The following INTS1 variants were observed in gnomAD, a reference collection of about 807,000 sequenced individuals.
The protein encoded by INTS1 is integrator complex subunit 1.
A neutral mutation model predicts 241.6 loss-of-function variants in INTS1; 137 were observed. The observed-to-expected ratio is 0.57, with a 90% CI of 0.49 to 0.65. INTS1 has a LOEUF of 0.65. Ranked by LOEUF, INTS1 falls within the 30% of genes least tolerant of loss-of-function variation. The pLI, the probability that INTS1 is intolerant of heterozygous loss-of-function variation, is 0.00. For synonymous variants in INTS1, 1,692 were observed against 1,337.8 expected, an observed-to-expected ratio of 1.26 and a Z score of -5.78; for missense variants, 3,073 against 3,032.2, an observed-to-expected ratio of 1.01 and a Z score of -0.32.
chr7:1,474,309 G>C lies in INTS1; in HGVS notation c.5688C>G (p.Phe1896Leu). ...GGTGGTTCTGCTGCCGGAACTCCTG[G>C]AAGTTGAGGTGGGTGCGGCCGTGCA... ...ALLHGRTHLN[F>L]QEFRQQNHLS... is the part of the protein sequence containing the mutation. Residue 1896 changes from phenylalanine (F) to leucine (L), a missense_variant, in exon 41 of 48, where the codon TTC becomes TTG. Transcript: ENST00000404767. 1.2e-6 allele frequency: 2 copies of C among 1,608,464 alleles called. No homozygotes were observed. Among genetic ancestry groups the C allele is most frequent in the Non-Finnish European group, 1.7e-6 (2 of 1,178,850 alleles).
rs933274620 is a variant in INTS1 at position 1,484,059 on chromosome 7, A to T, written c.3373T>A (p.Ser1125Thr). 6.2e-7 allele frequency: 1 copy of T among 1,612,466 alleles called. No individual in the cohort carries two copies. The highest frequency in any genetic ancestry group is 1.3e-5 in the African/African-American group (1 of 75,024). The change falls in exon 25 of 48, where the codon TCA becomes ACA. Residue 1125 changes from serine (S) to threonine (T), a missense_variant. Coordinates refer to ENST00000404767, the MANE Select transcript of INTS1 (RefSeq NM_001080453.3). Reference protein sequence around the residue: ...AVLSALLSIFSRYVRRMRQSK... With the variant: ...AVLSALLSIFTRYVRRMRQSK... ...TGCCGCATGCGCCTCACGTAGCGTGAGAAGATGGACAACAGAGCGCTCAGC... is the reference window on the plus strand; with the variant it reads ...TGCCGCATGCGCCTCACGTAGCGTGTGAAGATGGACAACAGAGCGCTCAGC...
At chr7:1,494,134 A>AC (rs1264873784) in intron 14 of INTS1, among the ~76,000 whole-genome samples, 1 of 151,926 alleles carries the variant, frequency 6.6e-6, no homozygotes, top group Non-Finnish European at 1.5e-5. Context: ...GGCTACCCCC[A>AC]CCCCAAGGCC....
Position 1,499,523 on chromosome 7 carries a change from C to T in INTS1, c.794G>A (p.Ser265Asn), listed in dbSNP as rs755427286. ...TAFNTRMPPR[S>N]VLLQGEAGRV... The stretch of plus-strand genomic sequence containing the variant: ...GCCCGCCTCCCCCTGCAGCAGCACG[C>T]TCCTGGGGGGCATTCTGGTGTTGAA... The change falls in exon 6 of 48, where the codon AGC becomes AAC. Residue 265 changes from serine (S) to asparagine (N), a missense_variant. Ser to Asn is a conservative substitution (Grantham distance 46, BLOSUM62 1). Coordinates refer to ENST00000404767, the MANE Select transcript of INTS1 (RefSeq NM_001080453.3). 6.2e-7 allele frequency: 1 copy of T among 1,612,636 alleles called. No individual in the cohort carries two copies. The highest frequency in any genetic ancestry group is 1.3e-5 in the African/African-American group (1 of 75,042).
rs1491488395 is a variant in INTS1, at chr7:1,499,461, CGT to C, written c.844+10_844+11del. 6 of 1,562,234 alleles carry C rather than the reference CGT, an allele frequency of 3.8e-6. No individual in the cohort carries two copies. Among genetic ancestry groups the C allele is most frequent in the African/African-American group, 1.4e-5 (1 of 73,510 alleles). On this transcript the variant is annotated intron_variant, in intron 6 of 47. Transcript: ENST00000404767. Reference sequence around the variant, plus strand: ...TGGACACCCGCCCTCTCTGGCTGGCCGTGTGTCTCACCTGCACCCAGGTCGCC... The same window carrying C: ...TGGACACCCGCCCTCTCTGGCTGGCCGTGTCTCACCTGCACCCAGGTCGCC...
rs57683626 is a variant in INTS1, at chr7:1,502,658, C to A, written c.349+243G>T. ...GCGTCCAACAGACACATGAGACAAA[C>A]AACTCAATAAGGGAGTGACCCGGTT... is the stretch of plus-strand genomic sequence containing the variant. On this transcript the variant is annotated intron_variant, in intron 3 of 47. Coordinates refer to ENST00000404767, the MANE Select transcript of INTS1 (RefSeq NM_001080453.3). 7.0e-3 allele frequency among the ~76,000 whole-genome samples: 1,070 copies of A among 152,276 alleles called. 6 individuals are homozygous for A. Among genetic ancestry groups the A allele is most frequent in the African/African-American group, 0.021 (863 of 41,542 alleles).
chr7:1,487,602 G>T, intron 19 of INTS1, 153 bp from the exon 20 acceptor site: 1 of 1,282,544 alleles, frequency 7.8e-7, no homozygotes, highest in Non-Finnish European at 1.1e-6. Flanking sequence ...TGGCCCCACA[G>T]CAGTAAGCCA....
intron 22 of INTS1, 33 bp downstream of exon 22, chr7:1,486,592 A>G: frequency 6.2e-7 from 1 of 1,600,490 alleles, no homozygotes; most frequent in Non-Finnish European, 8.5e-7. Context: ...AAACATGAAG[A>G]GCGTGCGCAG....
In INTS1 at chr7:1,487,784, G is replaced by A. The variant is rs1160839993; in HGVS notation, c.2492C>T (p.Ser831Leu). ...TITESSSLLL[S>L]QLTSLDPQGP... Reference sequence around the variant, plus strand: ...CTGGGGGTCCAGGCTGGTGAGCTGCGACAGGAGGAGGCTGCTGCTCTCAGT... The same window carrying A: ...CTGGGGGTCCAGGCTGGTGAGCTGCAACAGGAGGAGGCTGCTGCTCTCAGT... Residue 831 changes from serine (S) to leucine (L), a missense_variant, in exon 19 of 48, where the codon TCG becomes TTG. Coordinates refer to ENST00000404767, the MANE Select transcript of INTS1 (RefSeq NM_001080453.3). 3.1e-6 allele frequency: 5 copies of A among 1,610,254 alleles called. No homozygotes were observed. The highest frequency in any genetic ancestry group is 4.2e-6 in the Non-Finnish European group (5 of 1,179,798).
intron 27 of INTS1, 75 bp downstream of exon 27, chr7:1,482,471 G>A (rs1782042085): frequency 2.1e-6 from 3 of 1,456,692 alleles, no homozygotes; most frequent in Admixed American, 2.2e-5. Context: ...AGGCTGCCCA[G>A]GCCCACAAGG....
At position 1,477,791 on chromosome 7, in the gene INTS1, C is replaced by A; in HGVS notation, c.4776G>T (p.Glu1592Asp). ...CACCCGGCTTCCCCCCAGCCAGGGG[C>A]TCCTCCTCCTGCAGCAGCAGGGAGC... ...VVSSLLLQEE[E>D]PLAGGKPGAD... is the part of the protein sequence containing the mutation. Residue 1592 changes from glutamate (E) to aspartate (D), a missense_variant, in exon 34 of 48, where the codon GAG becomes GAT. Transcript: ENST00000404767. The A allele has an allele frequency of 1.9e-6, 3 of 1,612,530 alleles. No homozygotes were observed. Among genetic ancestry groups the A allele is most frequent in the Non-Finnish European group, 1.7e-6 (2 of 1,179,824 alleles).
At chr7:1,478,001 T>G (rs559215554) in intron 33 of INTS1, 65 bp from the exon 34 acceptor site, 132 of 1,384,218 alleles carry the variant, frequency 9.5e-5, no homozygotes, top group Middle Eastern at 1.8e-4. Context: ...TGAGTGGGTG[T>G]GGGCTAGCCA....
intron 27 of INTS1, chr7:1,482,273 T>G (rs1482333019): frequency 2.9e-6 from 1 of 345,642 alleles, no homozygotes; most frequent in Admixed American, 4.7e-5. Flanking sequence ...CACTTTCTCT[T>G]TTTTCCATCG....
At position 1,481,503 on chromosome 7, in the gene INTS1, G is replaced by A. The variant is rs202075527; in HGVS notation, c.3704-15C>T. 6.2e-5 allele frequency: 98 copies of A among 1,592,420 alleles called. No individual in the cohort carries two copies. The highest frequency in any genetic ancestry group is 1.7e-4 in the Middle Eastern group (1 of 6,002). On this transcript the variant is annotated splice_polypyrimidine_tract_variant and intron_variant, in intron 27 of 47. Transcript: ENST00000404767. The surrounding 1 kb of genome is among the most constrained non-coding windows in gnomAD (Gnocchi z 6.8). ...GTCCTGCAGGGCTGAGGGTGCACGC[G>A]CTCCGTAACGCCACCCAAAACCCGG... is the stretch of plus-strand genomic sequence containing the variant.
At chr7:1,471,780 CCAGG>C (rs1781478126) in intron 44 of INTS1, 139 bp from the exon 45 acceptor site, 1 of 751,752 alleles carries the variant, frequency 1.3e-6, no homozygotes, top group Non-Finnish European at 2.2e-6. Flanking sequence ...CAGTGACGCC[CCAGG>C]CAGTCACCTG....
rs556811790 is a variant in INTS1, at chr7:1,477,639, G to C, written c.4849C>G (p.Leu1617Val). The part of the protein sequence containing the change: ...EAVRLGPSSG[L>V]LVDWLEMLDP... ...AGCATTTCCAGCCAGTCCACTAGGAGGCCTGACGAGGGCCCCAGCCGCACG... is the reference window on the plus strand; with the variant it reads ...AGCATTTCCAGCCAGTCCACTAGGACGCCTGACGAGGGCCCCAGCCGCACG... The change falls in exon 35 of 48, where the codon CTC (leucine) becomes GTC (valine). Residue 1617 changes from leucine to valine, a missense_variant. Physicochemically the swap from Leu to Val is conservative, Grantham distance 32. Coordinates refer to ENST00000404767, the MANE Select transcript of INTS1 (RefSeq NM_001080453.3). 1.8e-5 allele frequency: 28 copies of C among 1,590,732 alleles called. No individual in the cohort carries two copies. Among genetic ancestry groups the C allele is most frequent in the Non-Finnish European group, 2.4e-5 (28 of 1,169,574 alleles).
intron 16 of INTS1, among the ~76,000 whole-genome samples, chr7:1,489,976 T>C (rs1202718325): frequency 6.6e-6 from 1 of 152,188 alleles, no homozygotes; most frequent in Non-Finnish European, 1.5e-5. Flanking sequence ...TTTTGTACTC[T>C]ACATGACATA....
At position 1,493,378 on chromosome 7, in the gene INTS1, G is replaced by T. The variant is rs2128541867; in HGVS notation, c.2069-272C>A. The stretch of plus-strand genomic sequence containing the variant: ...TGAGGACGGGGGTGTGGCCGGCAGG[G>T]TGGGGACCCGCAAGCCCTCGGGGCA... On this transcript the variant is annotated intron_variant, in intron 15 of 47. Transcript: ENST00000404767. This position sits in a 1 kb window ranked among gnomAD's most constrained non-coding sequence, Gnocchi z 5.3. Among the ~76,000 whole-genome samples the T allele has an allele frequency of 6.6e-6, 1 of 152,236 alleles. No individual in the cohort carries two copies. Among genetic ancestry groups the T allele is most frequent in the Non-Finnish European group, 1.5e-5 (1 of 68,006 alleles).
At chr7:1,491,630 G>A (rs1249216517) in intron 16 of INTS1, among the ~76,000 whole-genome samples, 2 of 152,216 alleles carry the variant, frequency 1.3e-5, no homozygotes, top group African/African-American at 4.8e-5. Context: ...GCGCGGTGTG[G>A]CTCATCACAC....
Position 1,497,563 on chromosome 7 carries a change from T to A in INTS1, c.1426-249A>T, listed in dbSNP as rs1220299319. Among the ~76,000 whole-genome samples, 3 of 151,926 alleles carry A rather than the reference T, an allele frequency of 2.0e-5. No homozygotes were observed. The highest frequency in any genetic ancestry group is 4.4e-5 in the Non-Finnish European group (3 of 67,970). ...TCCTCGTGAAATGAGGAGGATTAATTAACGGAAGCTGGGGGTGCGGGACAC... is the reference window on the plus strand; with the variant it reads ...TCCTCGTGAAATGAGGAGGATTAATAAACGGAAGCTGGGGGTGCGGGACAC... On this transcript the variant is annotated intron_variant, in intron 10 of 47. Coordinates refer to ENST00000404767, the MANE Select transcript of INTS1 (RefSeq NM_001080453.3). This position sits in a 1 kb window ranked among gnomAD's most constrained non-coding sequence, Gnocchi z 5.3.
Sources: gnomAD v4.1 joint callset for allele counts (sites outside exome capture counted in the v4.1 genomes callset) on GRCh38, gnomAD v4.1.1 for gene constraint, Gnocchi (gnomAD v3.1) non-coding constraint, MANE v1.5 for transcripts, NCBI Gene and HGNC (gene_info 2026-07-23, HGNC 2026-07-21) for gene names.